GABRG1: variants seen among roughly 807,000 people sequenced by gnomAD.
The protein encoded by GABRG1 is gamma-aminobutyric acid type A receptor subunit gamma1.
In GABRG1, 49 loss-of-function variants were observed where a neutral mutation model predicts 49.8. The observed-to-expected ratio is 0.98, with a 90% CI of 0.78 to 1.25. GABRG1 has a LOEUF of 1.25. Among genes scored for constraint, GABRG1 ranks in the 50% most tolerant of loss-of-function variants. GABRG1 has a pLI of 0.00. For missense variants in GABRG1, 552 were observed against 552.3 expected (o/e 1.00, Z 0.01); for synonymous variants, 232 against 185.1 (o/e 1.25, Z -2.06).
chr4:46,077,205 A>T (rs1719383590), intron 3 of GABRG1, among the ~76,000 whole-genome samples: 1 of 151,756 alleles, frequency 6.6e-6, no homozygotes, highest in South Asian at 2.1e-4. Context: ...ATGCTAAATG[A>T]CAAGTTAATG....
At chr4:46,065,620 G>A (rs1397959639) in intron 3 of GABRG1, 36 bp from the exon 4 acceptor site, 2 of 935,774 alleles carry the variant, frequency 2.1e-6, no homozygotes, top group East Asian at 5.3e-5. Context: ...TATTAGTAAA[G>A]CTACTATTTT....
Position 46,089,448 on chromosome 4 carries a change from C to T in GABRG1, c.254-5395G>A, listed in dbSNP as rs1437543328. Among the ~76,000 whole-genome samples the T allele has an allele frequency of 3.9e-5, 6 of 151,994 alleles. No homozygotes were observed. In the East Asian group the frequency reaches 1.2e-3, roughly 29 times the overall value. On this transcript the variant is annotated intron_variant, in intron 2 of 8. Coordinates refer to ENST00000295452, the MANE Select transcript of GABRG1 (RefSeq NM_173536.4). ...TCCCCCATGTCCCCATCGCTAGAAA[C>T]ATAGAAGAGATAAAGAGATGGAATA... is the stretch of plus-strand genomic sequence containing the variant.
rs1577658598 is a variant in GABRG1, at chr4:46,090,579, T to C, written c.254-6526A>G. Among the ~76,000 whole-genome samples, 5 of 151,906 alleles carry C rather than the reference T, an allele frequency of 3.3e-5. No individual in the cohort carries two copies. The South Asian group carries it at 1.0e-3, about 32-fold the overall frequency. On this transcript the variant is annotated intron_variant, in intron 2 of 8. Coordinates refer to ENST00000295452, the MANE Select transcript of GABRG1 (RefSeq NM_173536.4). ...AATAATAATAGTAAAGTATAAGGAGTAAAACAGAAATACAGACTCTGATGC... is the reference window on the plus strand; with the variant it reads ...AATAATAATAGTAAAGTATAAGGAGCAAAACAGAAATACAGACTCTGATGC...
intron 1 of GABRG1, among the ~76,000 whole-genome samples, chr4:46,123,101 AACACACACACACACACACAC>A (rs34086673): frequency 1.5e-5 from 2 of 129,484 alleles, no homozygotes; most frequent in Admixed American, 7.9e-5. Flanking sequence ...CATACACACA[AACACACACACACACACACAC>A]ACACACACAC....
rs143375339 is a variant in GABRG1 at position 46,067,893 on chromosome 4, C to T, written c.322-2309G>A. Among the ~76,000 whole-genome samples the T allele has an allele frequency of 3.2e-3, 491 of 152,200 alleles. 2 individuals are homozygous for T. The highest frequency in any genetic ancestry group is 0.011 in the African/African-American group (476 of 41,532). On this transcript the variant is annotated intron_variant, in intron 3 of 8. Coordinates refer to ENST00000295452, the MANE Select transcript of GABRG1 (RefSeq NM_173536.4). Reference sequence around the variant, plus strand: ...TTAGGAGGTCCAAGAGACCCTTATACACAACATCACTGGTGTACCTATTCT... The same window carrying T: ...TTAGGAGGTCCAAGAGACCCTTATATACAACATCACTGGTGTACCTATTCT...
chr4:46,099,260 A>G (rs1184577089), intron 1 of GABRG1, among the ~76,000 whole-genome samples: 2 of 151,696 alleles, frequency 1.3e-5, no homozygotes, highest in African/African-American at 4.8e-5. Flanking sequence ...CTAATGGTAT[A>G]TAACTGACAT....
At chr4:46,114,941 T>A (rs1224747884) in intron 1 of GABRG1, among the ~76,000 whole-genome samples, 1 of 150,612 alleles carries the variant, frequency 6.6e-6, no homozygotes, top group Admixed American at 6.6e-5. Context: ...TGAAGAAAAC[T>A]AAAGAGTTTA....
chr4:46,055,021 C>T (rs1718378371), intron 7 of GABRG1, among the ~76,000 whole-genome samples: 3 of 91,902 alleles, frequency 3.3e-5, no homozygotes, highest in East Asian at 2.7e-4. Flanking sequence ...CTAGGCATTA[C>T]CATTCAGGAC....
At chr4:46,108,527 G>A (rs1720627429) in intron 1 of GABRG1, among the ~76,000 whole-genome samples, 1 of 151,058 alleles carries the variant, frequency 6.6e-6, no homozygotes, top group South Asian at 2.1e-4. Flanking sequence ...TCTAATGACA[G>A]AAGTTTTGTG....
At chr4:46,064,651 G>T in intron 4 of GABRG1, 128 bp from the exon 5 acceptor site, 1 of 417,536 alleles carries the variant, frequency 2.4e-6, no homozygotes, top group Non-Finnish European at 4.3e-6. Context: ...ATATAATAAT[G>T]ATTCTAAAGT....
intron 1 of GABRG1, among the ~76,000 whole-genome samples, chr4:46,104,179 T>C (rs553469124): frequency 2.6e-5 from 4 of 151,604 alleles, no homozygotes; most frequent in Admixed American, 2.6e-4. Context: ...AATGTATCAA[T>C]GATCATACCA....
chr4:46,049,504 C>CCA (rs1718131781), intron 8 of GABRG1, among the ~76,000 whole-genome samples: 2 of 151,784 alleles, frequency 1.3e-5, no homozygotes, highest in African/African-American at 2.4e-5. Flanking sequence ...CTCAAGTAGT[C>CCA]AATTATAATA....
Position 46,065,541 on chromosome 4 carries a change from C to T in GABRG1, c.365G>A (p.Ser122Asn). The change falls in exon 4 of 9, where the codon AGT (serine) becomes AAT (asparagine). Residue 122 changes from serine to asparagine, a missense_variant. Coordinates refer to ENST00000295452, the MANE Select transcript of GABRG1 (RefSeq NM_173536.4). ...CATGGTACTATTGAATTTTAAACGA[C>T]TGTCAAACCAGGTTTGGGCAAAAAT... ...DIIFAQTWFD[S>N]RLKFNSTMKV... The T allele has an allele frequency of 6.2e-7, 1 of 1,606,242 alleles. No individual in the cohort carries two copies. Among genetic ancestry groups the T allele is most frequent in the South Asian group, 1.1e-5 (1 of 90,900 alleles).
chr4:46,061,780 G>A (rs1249120597), intron 5 of GABRG1, among the ~76,000 whole-genome samples: 1 of 148,318 alleles, frequency 6.7e-6, no homozygotes, highest in African/African-American at 2.5e-5. Flanking sequence ...ATACAACATT[G>A]AGCAATATAG....
chr4:46,073,160 T>G (rs1281942782), intron 3 of GABRG1, among the ~76,000 whole-genome samples: 1 of 152,042 alleles, frequency 6.6e-6, no homozygotes, highest in African/African-American at 2.4e-5. Context: ...TGATAGCCTT[T>G]CATTTAAGCA....
chr4:46,118,854 C>T (rs1379086589), intron 1 of GABRG1, among the ~76,000 whole-genome samples: 3 of 151,220 alleles, frequency 2.0e-5, no homozygotes, highest in Non-Finnish European at 4.4e-5. Flanking sequence ...CCTGAGAACG[C>T]ACTAACAAGT....
At chr4:46,084,787 T>C (rs1218303301) in intron 2 of GABRG1, among the ~76,000 whole-genome samples, 1 of 151,640 alleles carries the variant, frequency 6.6e-6, no homozygotes, top group African/African-American at 2.4e-5. Flanking sequence ...TAGCCATCAA[T>C]TAGATATCTT....
In GABRG1 at chr4:46,058,675, A is replaced by G. The variant is rs780254314; in HGVS notation, c.626-53T>C. On this transcript the variant is annotated intron_variant, in intron 5 of 8. Coordinates refer to ENST00000295452, the MANE Select transcript of GABRG1 (RefSeq NM_173536.4). ...AAGATCCAAATTTGATACCATTGCA[A>G]TGCCAACATTATCCAAAGGTAGATT... 67 of 1,387,414 alleles carry G rather than the reference A, an allele frequency of 4.8e-5. 1 individual carries two copies. The Middle Eastern group carries it at 9.4e-4, about 19-fold the overall frequency. 85.9% of individuals were successfully genotyped at this position (1,387,414 alleles called of 1,614,324 possible). A position where few individuals can be genotyped will look rare whatever the true frequency, so the allele number is the denominator to read the frequency against.
At chr4:46,053,327 C>T (rs1718308030) in intron 7 of GABRG1, among the ~76,000 whole-genome samples, 1 of 151,622 alleles carries the variant, frequency 6.6e-6, no homozygotes. Context: ...GGTGTAGTGT[C>T]CTATAAATAT....
Sources: gnomAD v4.1 joint callset for allele counts (sites outside exome capture counted in the v4.1 genomes callset) on GRCh38, gnomAD v4.1.1 for gene constraint, MANE v1.5 for transcripts, NCBI Gene and HGNC (gene_info 2026-07-23, HGNC 2026-07-21) for gene names.